ATP6V0D2: variants seen among roughly 807,000 people sequenced by gnomAD.
ATP6V0D2 encodes the protein ATPase H+ transporting V0 subunit d2.
A neutral mutation model predicts 40.0 loss-of-function variants in ATP6V0D2; 40 were observed. The ratio of observed to expected loss-of-function variants is 1.00; its 90% confidence interval spans 0.78 to 1.30. ATP6V0D2 has a LOEUF of 1.30. Among genes scored for constraint, ATP6V0D2 ranks in the 50% most tolerant of loss-of-function variants. The pLI is 0.00. For synonymous variants in ATP6V0D2, 179 were observed against 156.3 expected, an observed-to-expected ratio of 1.15 and a Z score of -1.08; for missense variants, 470 against 423.1, an observed-to-expected ratio of 1.11 and a Z score of -0.97.
At chr8:86,149,917 C>T (rs1162181900) in intron 5 of ATP6V0D2, among the ~76,000 whole-genome samples, 195 bp from the exon 6 acceptor site, 1 of 151,990 alleles carries the variant, frequency 6.6e-6, no homozygotes, top group Non-Finnish European at 1.5e-5. Context: ...GCTGTGTGAT[C>T]CTTCTCTGGC....
At chr8:86,118,340 C>T (rs1156474072) in intron 2 of ATP6V0D2, among the ~76,000 whole-genome samples, 1 of 151,530 alleles carries the variant, frequency 6.6e-6, no homozygotes, top group Non-Finnish European at 1.5e-5. Context: ...TTTCAAAGTG[C>T]TGGGATTACA....
chr8:86,110,881 C>A (rs753540795), intron 1 of ATP6V0D2, among the ~76,000 whole-genome samples: 8 of 152,062 alleles, frequency 5.3e-5, no homozygotes, highest in Non-Finnish European at 8.8e-5. Flanking sequence ...CATCATAAGA[C>A]CTCCGCCAGG....
chr8:86,140,035 T>G (rs978223936), intron 3 of ATP6V0D2, among the ~76,000 whole-genome samples: 2 of 152,236 alleles, frequency 1.3e-5, no homozygotes, highest in Admixed American at 1.3e-4. Flanking sequence ...TTCTTGTCCT[T>G]CCATTTAAAT....
chr8:86,145,473 G>C (rs1819057323), intron 5 of ATP6V0D2, among the ~76,000 whole-genome samples: 1 of 152,100 alleles, frequency 6.6e-6, no homozygotes. Flanking sequence ...AGCCTAAATA[G>C]TTGTGAAGTG....
At chr8:86,129,834 A>G (rs1818794455) in intron 2 of ATP6V0D2, among the ~76,000 whole-genome samples, 1 of 150,878 alleles carries the variant, frequency 6.6e-6, no homozygotes, top group South Asian at 2.1e-4. Context: ...AAAATTGACC[A>G]GGCATGATGG....
chr8:86,141,901 C>T (rs1174004222), intron 4 of ATP6V0D2, among the ~76,000 whole-genome samples: 1 of 152,184 alleles, frequency 6.6e-6, no homozygotes, highest in Non-Finnish European at 1.5e-5. Flanking sequence ...TCATCTCTGT[C>T]CTCAATCCTG....
Position 86,153,145 on chromosome 8 carries a change from C to A in ATP6V0D2, c.*168C>A. ...ACAGTAAACCAGCCCTGAAACAAAG[C>A]ATTTCCTTGTTTTCAGTGGTATTAG... On this transcript the variant is annotated 3_prime_UTR_variant, in exon 8 of 8. Coordinates refer to ENST00000285393, the MANE Select transcript of ATP6V0D2 (RefSeq NM_152565.1). 8.2e-6 allele frequency: 4 copies of A among 490,384 alleles called. No individual in the cohort carries two copies. The highest frequency in any genetic ancestry group is 3.4e-6 in the Non-Finnish European group (1 of 295,060). 30.4% of individuals were successfully genotyped at this position (490,384 alleles called of 1,614,324 possible).
At chr8:86,146,345 C>T (rs1035216786) in intron 5 of ATP6V0D2, among the ~76,000 whole-genome samples, 3 of 152,056 alleles carry the variant, frequency 2.0e-5, no homozygotes, top group Non-Finnish European at 4.4e-5. Context: ...TGGTACTTTT[C>T]CAATCTTCAT....
At chr8:86,150,565 G>A (rs7011725) in intron 6 of ATP6V0D2, among the ~76,000 whole-genome samples, 2 of 151,980 alleles carry the variant, frequency 1.3e-5, no homozygotes, top group African/African-American at 4.8e-5. Flanking sequence ...GATAAAGCAA[G>A]TTCCCCCAGG....
At chr8:86,108,627 G>T (rs1437898113) in intron 1 of ATP6V0D2, among the ~76,000 whole-genome samples, 3 of 152,078 alleles carry the variant, frequency 2.0e-5, no homozygotes, top group Admixed American at 6.6e-5. Flanking sequence ...TAGAGACGGG[G>T]TCTCCCTATG....
At chr8:86,106,033 A>G (rs1818466998) in intron 1 of ATP6V0D2, among the ~76,000 whole-genome samples, 1 of 152,072 alleles carries the variant, frequency 6.6e-6, no homozygotes, top group Admixed American at 6.6e-5. Context: ...GGAAATATCT[A>G]CATATTGGGT....
At chr8:86,099,129 C>A (rs375504731) in intron 1 of ATP6V0D2, 21 bp downstream of exon 1, 4 of 1,552,554 alleles carry the variant, frequency 2.6e-6, no homozygotes, top group Non-Finnish European at 2.6e-6. Flanking sequence ...CTCTTCTCAC[C>A]CTTTAAAAAG....
intron 1 of ATP6V0D2, among the ~76,000 whole-genome samples, chr8:86,102,716 A>G (rs1224755905): frequency 6.6e-6 from 1 of 152,208 alleles, no homozygotes; most frequent in Non-Finnish European, 1.5e-5. Context: ...AGAAATACCC[A>G]TGTATTCTGA....
intron 2 of ATP6V0D2, among the ~76,000 whole-genome samples, chr8:86,117,864 G>A (rs1818611103): frequency 6.6e-6 from 1 of 152,044 alleles, no homozygotes; most frequent in African/African-American, 2.4e-5. Flanking sequence ...GCTGGAGTGG[G>A]TGTGCCATAT....
intron 5 of ATP6V0D2, among the ~76,000 whole-genome samples, chr8:86,143,959 C>A (rs1239220927): frequency 6.6e-6 from 1 of 152,110 alleles, no homozygotes. Context: ...GGACATTGTG[C>A]CTTACAAATC....
intron 1 of ATP6V0D2, among the ~76,000 whole-genome samples, chr8:86,108,713 C>G (rs574455237): frequency 2.6e-5 from 4 of 152,264 alleles, no homozygotes; most frequent in South Asian, 4.1e-4. Flanking sequence ...GGGTTACAAG[C>G]ATCAGCCACC....
chr8:86,147,109 A>G (rs989804891), intron 5 of ATP6V0D2, among the ~76,000 whole-genome samples: 1 of 152,156 alleles, frequency 6.6e-6, no homozygotes, highest in Admixed American at 6.6e-5. Flanking sequence ...GGGCAGTGAA[A>G]AACAATCATA....
intron 2 of ATP6V0D2, among the ~76,000 whole-genome samples, chr8:86,125,712 C>T (rs1818731794): frequency 6.6e-6 from 1 of 151,900 alleles, no homozygotes; most frequent in African/African-American, 2.4e-5. Context: ...AAACTTTTTC[C>T]TTGTGAAAAA....
chr8:86,141,425 T>C (rs376116981), intron 3 of ATP6V0D2, 25 bp from the exon 4 acceptor site: 51 of 1,587,166 alleles, frequency 3.2e-5, no homozygotes, highest in Non-Finnish European at 4.4e-5. Context: ...GATTCATTTT[T>C]TGGTATGGCA....
Sources: allele counts gnomAD v4.1 joint callset (sites outside exome capture counted in the v4.1 genomes callset), GRCh38; gene constraint gnomAD v4.1.1; transcripts MANE v1.5; gene names NCBI Gene and HGNC (gene_info 2026-07-23, HGNC 2026-07-21).